Variants in FNIP2 observed in about 807,000 individuals in gnomAD.
FNIP2 encodes the protein folliculin interacting protein 2, also known as folliculin-interacting protein 2.
In FNIP2, 32 loss-of-function variants were observed where a neutral mutation model predicts 108.7. That is an observed-to-expected ratio of 0.29 (90% CI 0.22 to 0.40). The LOEUF (loss-of-function observed/expected upper bound fraction) is 0.40, where lower values mean the gene tolerates loss of function less well. Ranked by LOEUF, FNIP2 falls within the 10% of genes least tolerant of loss-of-function variation. FNIP2 has a pLI of 1.00. For missense variants in FNIP2, 1,202 were observed against 1,381.6 expected, an observed-to-expected ratio of 0.87 and a Z score of 2.06; for synonymous variants, 480 against 496.7, an observed-to-expected ratio of 0.97 and a Z score of 0.45.
chr4:158,818,171 C>T (rs1368643289), intron 1 of FNIP2, among the ~76,000 whole-genome samples: 3 of 152,206 alleles, frequency 2.0e-5, no homozygotes, highest in Admixed American at 1.3e-4. Context: ...GTGACACATA[C>T]GATAATGTTT....
rs144997559 is a variant in FNIP2, at chr4:158,884,723, G to A, written c.2950-6723G>A. ...AGAGGTTTAATTGACTCACAGTTCT[G>A]CAGGGCTGGGGAGGCCTCAGGAAAC... On this transcript the variant is annotated intron_variant, in intron 14 of 16. Coordinates refer to ENST00000264433, the MANE Select transcript of FNIP2 (RefSeq NM_020840.3). 2.8e-3 allele frequency among the ~76,000 whole-genome samples: 427 copies of A among 152,280 alleles called. 3 individuals are homozygous for A. The highest frequency in any genetic ancestry group is 9.8e-3 in the African/African-American group (406 of 41,550).
chr4:158,857,472 T>C (rs1560805685), intron 8 of FNIP2, among the ~76,000 whole-genome samples: 2 of 152,160 alleles, frequency 1.3e-5, no homozygotes, highest in African/African-American at 4.8e-5. Flanking sequence ...GGAAAGCAAT[T>C]GATGGTTTAT....
At chr4:158,772,239 CA>C (rs889497497) in intron 1 of FNIP2, among the ~76,000 whole-genome samples, 77 of 151,752 alleles carry the variant, frequency 5.1e-4, no homozygotes, top group African/African-American at 1.1e-3. Flanking sequence ...TAAATTAGGA[CA>C]AAAAAAATGA....
At chr4:158,899,845 G>C (rs1049952891) in intron 16 of FNIP2, among the ~76,000 whole-genome samples, 36 of 151,636 alleles carry the variant, frequency 2.4e-4, no homozygotes, top group Middle Eastern at 3.4e-3. Flanking sequence ...TCTCTATCTC[G>C]TTCAGTTCTG....
chr4:158,810,004 AC>A (rs1777185590), intron 1 of FNIP2, among the ~76,000 whole-genome samples: 1 of 152,204 alleles, frequency 6.6e-6, no homozygotes, highest in Non-Finnish European at 1.5e-5. Context: ...AGATAAGCTG[AC>A]CATGATTTTA....
chr4:158,769,244 A>C lies in FNIP2; in HGVS notation c.32A>C (p.Asn11Thr). 6.5e-7 allele frequency: 1 copy of C among 1,533,934 alleles called. No individual in the cohort carries two copies. Among genetic ancestry groups the C allele is most frequent in the Non-Finnish European group, 8.7e-7 (1 of 1,144,720 alleles). Residue 11 changes from asparagine (N) to threonine (T), a missense_variant, in exon 1 of 17, where the codon AAC becomes ACC. Asn to Thr is a moderately conservative substitution (Grantham distance 65). Coordinates refer to ENST00000264433, the MANE Select transcript of FNIP2 (RefSeq NM_020840.3). MAPTLLQKLF[N>T]KRGSSGSSAA... Reference sequence around the variant, plus strand: ...CCGACCCTGCTCCAGAAGCTCTTCAACAAAAGGGGCAGCAGCGGCAGCTCC... The same window carrying C: ...CCGACCCTGCTCCAGAAGCTCTTCACCAAAAGGGGCAGCAGCGGCAGCTCC...
At chr4:158,854,089 C>T (rs1019739215) in intron 8 of FNIP2, among the ~76,000 whole-genome samples, 16 of 152,172 alleles carry the variant, frequency 1.1e-4, no homozygotes, top group South Asian at 2.1e-4. Context: ...TGAATATTTA[C>T]TTTGCAGTGT....
intron 14 of FNIP2, chr4:158,890,135 C>T: frequency 1.0e-6 from 1 of 985,062 alleles, no homozygotes; most frequent in Non-Finnish European, 1.2e-6. Context: ...TATACTTTAT[C>T]AAATTCTTTA....
chr4:158,770,565 G>A (rs1317792192), intron 1 of FNIP2, among the ~76,000 whole-genome samples: 1 of 152,162 alleles, frequency 6.6e-6, no homozygotes, highest in Non-Finnish European at 1.5e-5. Context: ...GTGTGTGTGT[G>A]TGCACGCGCG....
At chr4:158,880,525 G>A (rs1032255428) in intron 14 of FNIP2, among the ~76,000 whole-genome samples, 1 of 152,114 alleles carries the variant, frequency 6.6e-6, no homozygotes, top group Admixed American at 6.5e-5. Flanking sequence ...CACCGACATG[G>A]CACATGTATA....
At position 158,835,421 on chromosome 4, in the gene FNIP2, TG is replaced by T; in HGVS notation, c.673del (p.Asp225IlefsTer21). On this transcript the variant is annotated frameshift_variant, in exon 7 of 17. Coordinates refer to ENST00000264433, the MANE Select transcript of FNIP2 (RefSeq NM_020840.3). LOFTEE classifies it high-confidence loss of function. ...GSNLAHSTPV[D>X]MPSRGQNEDR... Reference sequence around the variant, plus strand: ...TTATCTTAGCACACAGCACACCAGTTGATATGCCAAGCAGAGGACAGAATGA... The same window carrying T: ...TTATCTTAGCACACAGCACACCAGTTATATGCCAAGCAGAGGACAGAATGA... The T allele has an allele frequency of 6.2e-7, 1 of 1,612,340 alleles. No individual in the cohort carries two copies. The highest frequency in any genetic ancestry group is 8.5e-7 in the Non-Finnish European group (1 of 1,178,986).
chr4:158,814,902 G>C (rs754052570), intron 1 of FNIP2, among the ~76,000 whole-genome samples: 3 of 152,142 alleles, frequency 2.0e-5, no homozygotes, highest in South Asian at 2.1e-4. Flanking sequence ...GTAGTTAAGG[G>C]CTTGTCTTAA....
In FNIP2 at chr4:158,830,301, G is replaced by A. The variant is rs532412413; in HGVS notation, c.381+1076G>A. On this transcript the variant is annotated intron_variant, in intron 3 of 16. Transcript: ENST00000264433. The stretch of plus-strand genomic sequence containing the variant: ...GACGGAGTCTCGCTCTGTCGCCCAG[G>A]CCGGACTGCGGACTGCAGTGGCGCA... 3.9e-3 allele frequency among the ~76,000 whole-genome samples: 514 copies of A among 132,160 alleles called. 5 individuals are homozygous for A. The highest frequency in any genetic ancestry group is 0.014 in the African/African-American group (480 of 35,058). The allele number at this position is 132,160 out of a possible 152,430, so 86.7% of individuals were successfully genotyped here.
chr4:158,892,932 C>A (rs1422568800), intron 15 of FNIP2, among the ~76,000 whole-genome samples: 1 of 151,864 alleles, frequency 6.6e-6, no homozygotes, highest in Admixed American at 6.6e-5. Flanking sequence ...TATACTTGTA[C>A]CCATTCCTCA....
intron 7 of FNIP2, among the ~76,000 whole-genome samples, chr4:158,838,229 CTT>C (rs550985480): frequency 2.7e-4 from 32 of 117,602 alleles, no homozygotes; most frequent in African/African-American, 7.3e-4. Context: ...TTTAGGCCTG[CTT>C]TTTTTTTTTT....
In FNIP2 at chr4:158,868,946, T is replaced by G; in HGVS notation, c.2310T>G (p.Pro770=). 1 of 1,613,934 alleles carries G rather than the reference T, an allele frequency of 6.2e-7. No homozygotes were observed. Among genetic ancestry groups the G allele is most frequent in the South Asian group, 1.1e-5 (1 of 91,084 alleles). ...AGGTTTCTAGGAGCCCTTTTAAACC[T>G]GGCTTTCAGGAGAATGTTTGCTGTC... ...DPQVSRSPFK[P]GFQENVCCPQ... The change falls in exon 13 of 17, where the codon CCT becomes CCG. Residue 770 remains proline (P), a synonymous_variant. Transcript: ENST00000264433. The surrounding 1 kb of genome is among the most constrained non-coding windows in gnomAD (Gnocchi z 4.6).
At chr4:158,812,130 A>G (rs1777312493) in intron 1 of FNIP2, among the ~76,000 whole-genome samples, 1 of 152,172 alleles carries the variant, frequency 6.6e-6, no homozygotes, top group Admixed American at 6.5e-5. Context: ...TGCCCCTAAT[A>G]TCTTTCCCAC....
At chr4:158,831,688 G>A (rs183956025) in intron 3 of FNIP2, among the ~76,000 whole-genome samples, 173 bp from the exon 4 acceptor site, 1 of 152,130 alleles carries the variant, frequency 6.6e-6, no homozygotes, top group African/African-American at 2.4e-5. Flanking sequence ...TAATACTTTG[G>A]GGGGGAAAAT....
At chr4:158,807,748 T>C (rs1172077226) in intron 1 of FNIP2, among the ~76,000 whole-genome samples, 5 of 152,160 alleles carry the variant, frequency 3.3e-5, no homozygotes, top group East Asian at 1.9e-4. Context: ...TAAAATGGGA[T>C]GTAGTCCATT....
Sources: allele counts gnomAD v4.1 joint callset (sites outside exome capture counted in the v4.1 genomes callset), GRCh38; gene constraint gnomAD v4.1.1; non-coding constraint Gnocchi (gnomAD v3.1); transcripts MANE v1.5; gene names NCBI Gene and HGNC (gene_info 2026-07-23, HGNC 2026-07-21).